NCAM1: variants seen among roughly 807,000 people sequenced by gnomAD.
NCAM1 encodes neural cell adhesion molecule 1, also known as antigen recognized by monoclonal antibody 5.1H11.
Under a neutral mutation model 109.8 loss-of-function variants are expected in NCAM1, and 14 were observed. That is an observed-to-expected ratio of 0.13 (90% CI 0.08 to 0.20). NCAM1 has a LOEUF of 0.20. NCAM1 is among the 10% of genes least tolerant of loss of function. NCAM1 has a pLI of 1.00. For synonymous variants in NCAM1, 418 were observed against 442.9 expected, an observed-to-expected ratio of 0.94 and a Z score of 0.70; for missense variants, 774 against 1,109.9, an observed-to-expected ratio of 0.70 and a Z score of 4.30.
At chr11:113,023,739 C>T (rs370698535) in intron 1 of NCAM1, among the ~76,000 whole-genome samples, 2 of 152,010 alleles carry the variant, frequency 1.3e-5, no homozygotes, top group African/African-American at 2.4e-5. Context: ...GGAACTTTGT[C>T]GGTTTTCTTG....
intron 1 of NCAM1, among the ~76,000 whole-genome samples, chr11:113,068,640 C>G (rs1259303355): frequency 6.6e-6 from 1 of 152,150 alleles, no homozygotes; most frequent in Non-Finnish European, 1.5e-5. Context: ...TGCTCTATCT[C>G]TAGTGCAAAT....
At chr11:113,065,420 G>A (rs1484449156) in intron 1 of NCAM1, among the ~76,000 whole-genome samples, 2 of 152,066 alleles carry the variant, frequency 1.3e-5, no homozygotes, top group African/African-American at 4.8e-5. Context: ...AGCATAGAAA[G>A]GGGAGAAAAA....
intron 1 of NCAM1, among the ~76,000 whole-genome samples, chr11:113,185,796 C>T (rs184976663): frequency 6.6e-6 from 1 of 152,200 alleles, no homozygotes; most frequent in East Asian, 1.9e-4. Context: ...AGCCAGTGAC[C>T]CCCCTCACCT....
At chr11:113,270,856 CAG>C (rs1290955008) in intron 18 of NCAM1, among the ~76,000 whole-genome samples, 2 of 152,266 alleles carry the variant, frequency 1.3e-5, no homozygotes, top group East Asian at 3.9e-4. Flanking sequence ...AGGGAACAAA[CAG>C]ATAGAAATTC....
At chr11:113,115,554 C>T (rs1312268453) in intron 1 of NCAM1, among the ~76,000 whole-genome samples, 7 of 152,180 alleles carry the variant, frequency 4.6e-5, no homozygotes, top group African/African-American at 7.2e-5. Context: ...GTAAGGGACA[C>T]GGTGACCAGA....
Position 113,273,009 on chromosome 11 carries a change from A to G in NCAM1, c.2456+1133A>G, listed in dbSNP as rs563073624. On this transcript the variant is annotated intron_variant, in intron 19 of 19. Coordinates refer to ENST00000316851, the MANE Select transcript of NCAM1 (RefSeq NM_181351.5). This position sits in a 1 kb window ranked among gnomAD's most constrained non-coding sequence, Gnocchi z 6.0. ...CACCGTCACCACTAACTCTGACACTATCACCGAAACCTTTGCCACTGCTCA... is the reference window on the plus strand; with the variant it reads ...CACCGTCACCACTAACTCTGACACTGTCACCGAAACCTTTGCCACTGCTCA... 2 of 456,684 alleles carry G rather than the reference A, an allele frequency of 4.4e-6. No individual in the cohort carries two copies. Among genetic ancestry groups the G allele is most frequent in the African/African-American group, 2.0e-5 (1 of 50,104 alleles). The allele number at this position is 456,684 out of a possible 1,614,324, so 28.3% of individuals were successfully genotyped here. A position where few individuals can be genotyped will look rare whatever the true frequency, so the allele number is the denominator to read the frequency against.
At position 113,277,849 on chromosome 11, in the gene NCAM1, T is replaced by TAAAAAAAAAAAAAAAAAAAAAAAAAAA. The variant is rs56324717; in HGVS notation, c.*2463_*2489dup. The TAAAAAAAAAAAAAAAAAAAAAAAAAAA allele has an allele frequency of 1.6e-5, 1 of 63,250 alleles. No homozygotes were observed. The highest frequency in any genetic ancestry group is 2.8e-5 in the Non-Finnish European group (1 of 35,990). The allele number at this position is 63,250 out of a possible 1,614,324, so 3.9% of individuals were successfully genotyped here. On this transcript the variant is annotated 3_prime_UTR_variant, in exon 20 of 20. Transcript: ENST00000316851. ...TCTCAGCATGCAAGAGTTTTTCCTT[T>TAAAAAAAAAAAAAAAAAAAAAAAAAAA]AAAAAAAAAAAAAAAAAAAAAAAAA... is the stretch of plus-strand genomic sequence containing the variant.
intron 8 of NCAM1, among the ~76,000 whole-genome samples, chr11:113,218,903 C>A (rs1206085537): frequency 1.3e-5 from 2 of 152,188 alleles, no homozygotes; most frequent in East Asian, 3.9e-4. Context: ...GCTTCTGCTT[C>A]CATGTTATTT....
chr11:112,972,570 C>T (rs1312650925), intron 1 of NCAM1, among the ~76,000 whole-genome samples: 2 of 152,070 alleles, frequency 1.3e-5, no homozygotes, highest in African/African-American at 2.4e-5. Flanking sequence ...TTCACTCACC[C>T]TGTAATCAAG....
intron 17 of NCAM1, among the ~76,000 whole-genome samples, chr11:113,266,655 C>A (rs555546250): frequency 5.7e-4 from 86 of 152,148 alleles, no homozygotes; most frequent in Non-Finnish European, 1.1e-3. Context: ...AGTGGGGAGC[C>A]CCAGATTCTG....
chr11:113,119,490 T>C (rs1940855600), intron 1 of NCAM1, among the ~76,000 whole-genome samples: 1 of 152,162 alleles, frequency 6.6e-6, no homozygotes, highest in South Asian at 2.1e-4. Context: ...TTGTTTTTGT[T>C]GGAATGGCTG....
chr11:113,237,080 A>G (rs1945189331), intron 14 of NCAM1, among the ~76,000 whole-genome samples: 1 of 152,132 alleles, frequency 6.6e-6, no homozygotes, highest in South Asian at 2.1e-4. Context: ...GGAAGGGGAG[A>G]TTCCCCACTG....
intron 1 of NCAM1, among the ~76,000 whole-genome samples, chr11:112,995,898 C>G (rs1038257405): frequency 1.3e-5 from 2 of 152,146 alleles, no homozygotes; most frequent in Admixed American, 6.6e-5. Flanking sequence ...CTCTGCCTGA[C>G]TGGATGGGAG....
chr11:113,180,297 A>C lies in NCAM1; in HGVS notation c.53-22082A>C, dbSNP rs186987555. 4.5e-3 allele frequency among the ~76,000 whole-genome samples: 685 copies of C among 152,352 alleles called. 7 individuals are homozygous for C. Among genetic ancestry groups the C allele is most frequent in the African/African-American group, 0.015 (642 of 41,586 alleles). ...TTATCCTGCTTATTGGATATGGACT[A>C]CCCAAATAAAGAGTGAGTTTAGCGC... is the stretch of plus-strand genomic sequence containing the variant. On this transcript the variant is annotated intron_variant, in intron 1 of 19. Transcript: ENST00000316851.
intron 1 of NCAM1, among the ~76,000 whole-genome samples, chr11:113,048,965 G>A (rs536573153): frequency 2.0e-5 from 3 of 152,210 alleles, no homozygotes; most frequent in East Asian, 3.9e-4. Context: ...TTGTTCTACG[G>A]GCTAAGGGTG....
chr11:113,269,708 C>G (rs1399979290), intron 17 of NCAM1: 2 of 199,082 alleles, frequency 1.0e-5, no homozygotes, highest in Non-Finnish European at 2.1e-5. Flanking sequence ...ATGGACAACC[C>G]AACAAGCCCC....
Position 112,962,002 on chromosome 11 carries a change from CAAAGGCGGGCGGCGGGGCGGGGGAGGT to C in NCAM1, c.52+339_52+365del. On this transcript the variant is annotated intron_variant, in intron 1 of 19. Coordinates refer to ENST00000316851, the MANE Select transcript of NCAM1 (RefSeq NM_181351.5). This position sits in a 1 kb window ranked among gnomAD's most constrained non-coding sequence, Gnocchi z 5.6. Reference sequence around the variant, plus strand: ...CTGGTGATGGGCAGCGCTCCTTCCCCAAAGGCGGGCGGCGGGGCGGGGGAGGTCGCGGCTCGGGTGGTGCCGCCGCAC... The same window carrying C: ...CTGGTGATGGGCAGCGCTCCTTCCCCCGCGGCTCGGGTGGTGCCGCCGCAC... Among the ~76,000 whole-genome samples, 1 of 152,280 alleles carries C rather than the reference CAAAGGCGGGCGGCGGGGCGGGGGAGGT, an allele frequency of 6.6e-6. No individual in the cohort carries two copies. Among genetic ancestry groups the C allele is most frequent in the East Asian group, 1.9e-4 (1 of 5,158 alleles).
At chr11:113,078,428 T>C (rs1938629577) in intron 1 of NCAM1, among the ~76,000 whole-genome samples, 1 of 152,072 alleles carries the variant, frequency 6.6e-6, no homozygotes, top group South Asian at 2.1e-4. Flanking sequence ...CACTGGGGGT[T>C]AGAACATGCA....
intron 1 of NCAM1, among the ~76,000 whole-genome samples, chr11:113,027,706 A>T (rs1940699): frequency 0.45 from 68,584 of 152,020 alleles, 16,351 homozygotes; most frequent in East Asian, 0.8. Context: ...AGGAAATTAT[A>T]AGATGAGACA....
Sources: gnomAD v4.1 joint callset for allele counts (sites outside exome capture counted in the v4.1 genomes callset) on GRCh38, gnomAD v4.1.1 for gene constraint, Gnocchi (gnomAD v3.1) non-coding constraint, MANE v1.5 for transcripts, NCBI Gene and HGNC (gene_info 2026-07-23, HGNC 2026-07-21) for gene names.